Variants in TMEM132D observed in about 807,000 individuals in gnomAD.
TMEM132D encodes transmembrane protein 132D.
Under a neutral mutation model 62.3 loss-of-function variants are expected in TMEM132D, and 21 were observed. The observed-to-expected ratio is 0.34, with a 90% CI of 0.24 to 0.49. The LOEUF (loss-of-function observed/expected upper bound fraction) is 0.49. Among genes scored for constraint, TMEM132D ranks in the 20% least tolerant of loss-of-function variants. The pLI is 0.99. For synonymous variants in TMEM132D, 621 were observed against 575.6 expected (o/e 1.08, Z -1.13); for missense variants, 1,346 against 1,402.8 (o/e 0.96, Z 0.65).
At chr12:129,285,552 A>AGAGG (rs1881272384) in intron 4 of TMEM132D, among the ~76,000 whole-genome samples, 1 of 148,530 alleles carries the variant, frequency 6.7e-6, no homozygotes, top group South Asian at 2.2e-4. Flanking sequence ...AGAGAGAGAG[A>AGAGG]GAGGCTCCCA....
chr12:129,449,700 A>G (rs1042587119), intron 3 of TMEM132D, among the ~76,000 whole-genome samples: 2 of 152,202 alleles, frequency 1.3e-5, no homozygotes, highest in Non-Finnish European at 2.9e-5. Context: ...AAATCTCAGC[A>G]CACCAAGTGT....
At chr12:129,155,710 G>T (rs1180903940) in intron 5 of TMEM132D, among the ~76,000 whole-genome samples, 1 of 152,178 alleles carries the variant, frequency 6.6e-6, no homozygotes, top group East Asian at 1.9e-4. Context: ...GGAAGGGCTG[G>T]ATGCATCCTT....
chr12:129,118,465 C>T (rs887092792), intron 5 of TMEM132D, among the ~76,000 whole-genome samples: 1 of 152,232 alleles, frequency 6.6e-6, no homozygotes, highest in African/African-American at 2.4e-5. Context: ...GTGTGTCCAT[C>T]TTTCACTGTG....
At chr12:129,293,404 C>G (rs1251968748) in intron 4 of TMEM132D, among the ~76,000 whole-genome samples, 1 of 152,106 alleles carries the variant, frequency 6.6e-6, no homozygotes, top group Non-Finnish European at 1.5e-5. Context: ...GGGCAGCAGT[C>G]CCCAGCCTTT....
intron 1 of TMEM132D, among the ~76,000 whole-genome samples, chr12:129,761,570 G>C (rs559505080): frequency 1.3e-5 from 2 of 152,258 alleles, no homozygotes; most frequent in East Asian, 1.9e-4. Flanking sequence ...CGCAGACAAC[G>C]CTTCCCACTC....
At chr12:129,526,216 T>A (rs1876031509) in intron 3 of TMEM132D, among the ~76,000 whole-genome samples, 1 of 152,146 alleles carries the variant, frequency 6.6e-6, no homozygotes, top group Admixed American at 6.5e-5. Flanking sequence ...AAATCCCACA[T>A]GTGTATTCTT....
chr12:129,246,353 G>A (rs1266057419), intron 4 of TMEM132D, among the ~76,000 whole-genome samples: 1 of 152,212 alleles, frequency 6.6e-6, no homozygotes, highest in Non-Finnish European at 1.5e-5. Flanking sequence ...CCAAGGCTGA[G>A]CACCACGGCC....
chr12:129,667,335 T>C (rs1025860619), intron 2 of TMEM132D, among the ~76,000 whole-genome samples: 1 of 152,194 alleles, frequency 6.6e-6, no homozygotes, highest in African/African-American at 2.4e-5. Context: ...AATTTTTCTA[T>C]AATGTTAAAA....
intron 3 of TMEM132D, among the ~76,000 whole-genome samples, chr12:129,404,715 C>G (rs1365603430): frequency 1.3e-5 from 2 of 151,770 alleles, no homozygotes; most frequent in Non-Finnish European, 2.9e-5. Flanking sequence ...TTTTAAACAA[C>G]CAGATCTCCT....
intron 4 of TMEM132D, among the ~76,000 whole-genome samples, chr12:129,242,214 C>G (rs1020418677): frequency 6.6e-6 from 1 of 152,198 alleles, no homozygotes; most frequent in African/African-American, 2.4e-5. Flanking sequence ...ACAGTTTCTA[C>G]AGTTTAACCC....
chr12:129,645,788 C>A (rs746867415), intron 2 of TMEM132D, among the ~76,000 whole-genome samples: 2 of 152,230 alleles, frequency 1.3e-5, no homozygotes, highest in South Asian at 2.1e-4. Context: ...CTCTGGTTAC[C>A]CTTGCTGCTC....
intron 1 of TMEM132D, among the ~76,000 whole-genome samples, chr12:129,797,679 G>A (rs1871608206): frequency 6.6e-6 from 1 of 152,204 alleles, no homozygotes; most frequent in Non-Finnish European, 1.5e-5. Flanking sequence ...CAACCCAGGT[G>A]GAAGCCATTG....
chr12:129,146,803 G>A (rs567622182), intron 5 of TMEM132D, among the ~76,000 whole-genome samples: 3 of 152,202 alleles, frequency 2.0e-5, no homozygotes, highest in African/African-American at 4.8e-5. Flanking sequence ...TTTGCTGGGC[G>A]CAACACACTC....
At chr12:129,404,997 G>A (rs1335665113) in intron 3 of TMEM132D, among the ~76,000 whole-genome samples, 5 of 152,188 alleles carry the variant, frequency 3.3e-5, no homozygotes, top group African/African-American at 1.2e-4. Flanking sequence ...CGGGACCACA[G>A]GGTGGATGTG....
intron 1 of TMEM132D, among the ~76,000 whole-genome samples, chr12:129,716,444 T>A (rs1403770490): frequency 6.6e-6 from 1 of 152,170 alleles, no homozygotes; most frequent in Admixed American, 6.5e-5. Flanking sequence ...AACAAGTAGT[T>A]AAATTAGAAC....
intron 2 of TMEM132D, among the ~76,000 whole-genome samples, chr12:129,613,661 T>C (rs916399912): frequency 6.6e-6 from 1 of 152,196 alleles, no homozygotes; most frequent in Non-Finnish European, 1.5e-5. Context: ...AAAGTCAGCA[T>C]CAGAACCGAG....
At chr12:129,416,016 T>C (rs2135708251) in intron 3 of TMEM132D, among the ~76,000 whole-genome samples, 1 of 152,336 alleles carries the variant, frequency 6.6e-6, no homozygotes, top group Non-Finnish European at 1.5e-5. Context: ...TCATGCCTAC[T>C]CAGGACCTGA....
chr12:129,505,595 A>C (rs1245287350), intron 3 of TMEM132D, among the ~76,000 whole-genome samples: 1 of 151,796 alleles, frequency 6.6e-6, no homozygotes, highest in Non-Finnish European at 1.5e-5. Flanking sequence ...TTCTGTCTTG[A>C]CCTGTCTAGT....
At chr12:129,339,451 C>G (rs748098073) in intron 3 of TMEM132D, among the ~76,000 whole-genome samples, 1 of 152,124 alleles carries the variant, frequency 6.6e-6, no homozygotes, top group African/African-American at 2.4e-5. Context: ...GGGGAAAAGA[C>G]GACAGCTGGT....
Sources: gnomAD v4.1 joint callset for allele counts (sites outside exome capture counted in the v4.1 genomes callset) on GRCh38, gnomAD v4.1.1 for gene constraint, MANE v1.5 for transcripts, NCBI Gene and HGNC (gene_info 2026-07-23, HGNC 2026-07-21) for gene names.